CCDC150: variants seen among roughly 807,000 people sequenced by gnomAD.
The protein encoded by CCDC150 is coiled-coil domain containing 150, also known as coiled-coil domain-containing protein 150.
Under a neutral mutation model 156.5 loss-of-function variants are expected in CCDC150, and 151 were observed. That is an observed-to-expected ratio of 0.97 (90% CI 0.85 to 1.10). The LOEUF is 1.10. CCDC150 is among the 50% of genes least tolerant of loss of function. The pLI, the probability that CCDC150 is intolerant of heterozygous loss-of-function variation, is 0.00. For missense variants in CCDC150, 1,312 were observed against 1,268.1 expected, an observed-to-expected ratio of 1.03 and a Z score of -0.53; for synonymous variants, 452 against 429.4, an observed-to-expected ratio of 1.05 and a Z score of -0.65.
intron 13 of CCDC150, among the ~76,000 whole-genome samples, chr2:196,682,293 C>T (rs949006298): frequency 1.3e-5 from 2 of 151,978 alleles, no homozygotes; most frequent in Non-Finnish European, 2.9e-5. Flanking sequence ...TTTCTAGACT[C>T]TTAATTATCT....
rs753635576 is a variant in CCDC150, at chr2:196,726,112, GA to G, written c.2556+17del. ...GGAAGTGGCTGAGGTATAGTCATGAGAAAAGTTTCTCTTTTGGTGAATGCCT... is the reference window on the plus strand; with the variant it reads ...GGAAGTGGCTGAGGTATAGTCATGAGAAAGTTTCTCTTTTGGTGAATGCCT... On this transcript the variant is annotated intron_variant, in intron 22 of 27. Coordinates refer to ENST00000389175, the MANE Select transcript of CCDC150 (RefSeq NM_001080539.2). The G allele has an allele frequency of 6.2e-6, 10 of 1,611,836 alleles. No homozygotes were observed. The highest frequency in any genetic ancestry group is 8.5e-6 in the Non-Finnish European group (10 of 1,178,828).
chr2:196,650,644 G>A (rs978507129), intron 2 of CCDC150, among the ~76,000 whole-genome samples: 7 of 152,076 alleles, frequency 4.6e-5, no homozygotes, highest in Non-Finnish European at 7.4e-5. Context: ...TGCGTGCCTC[G>A]GCCTCCCAAA....
chr2:196,714,572 C>T (rs897269665), intron 17 of CCDC150, among the ~76,000 whole-genome samples: 3 of 152,138 alleles, frequency 2.0e-5, no homozygotes, highest in Non-Finnish European at 4.4e-5. Context: ...CTTAGCTTCC[C>T]GGTCGCAAGA....
chr2:196,651,064 A>G (rs7585136), intron 2 of CCDC150, among the ~76,000 whole-genome samples: 119,190 of 152,174 alleles, frequency 0.78, 46,890 homozygotes, highest in East Asian at 0.97. Flanking sequence ...AGGTTATCCA[A>G]TGTGTTCTCA....
chr2:196,723,797 C>T (rs1284838983), intron 21 of CCDC150, among the ~76,000 whole-genome samples: 1 of 152,122 alleles, frequency 6.6e-6, no homozygotes, highest in Non-Finnish European at 1.5e-5. Flanking sequence ...TCCAGATGGC[C>T]AGTTTCTGTA....
chr2:196,692,693 T>A (rs568846764), intron 13 of CCDC150, among the ~76,000 whole-genome samples: 2 of 152,348 alleles, frequency 1.3e-5, no homozygotes, highest in African/African-American at 4.8e-5. Flanking sequence ...CAAGAGACTG[T>A]TATAATTTCC....
At chr2:196,718,096 G>A (rs1436720757) in intron 17 of CCDC150, among the ~76,000 whole-genome samples, 1 of 152,158 alleles carries the variant, frequency 6.6e-6, no homozygotes, top group Non-Finnish European at 1.5e-5. Flanking sequence ...TCATTCTGCT[G>A]TAACACTGTT....
intron 13 of CCDC150, among the ~76,000 whole-genome samples, chr2:196,677,887 G>A (rs1694607029): frequency 6.6e-6 from 1 of 152,102 alleles, no homozygotes; most frequent in Non-Finnish European, 1.5e-5. Flanking sequence ...CTACTCGGGA[G>A]GCTGAGGCAG....
At chr2:196,710,431 A>T (rs926282401) in intron 15 of CCDC150, among the ~76,000 whole-genome samples, 1 of 152,138 alleles carries the variant, frequency 6.6e-6, no homozygotes, top group Admixed American at 6.5e-5. Flanking sequence ...TAGGAAAGGG[A>T]AATCCCCTGA....
chr2:196,658,719 A>G, intron 4 of CCDC150, 73 bp from the exon 5 acceptor site: 1 of 1,087,320 alleles, frequency 9.2e-7, no homozygotes, highest in Non-Finnish European at 1.3e-6. Context: ...ACCTGATTTG[A>G]TCTGATATAC....
intron 2 of CCDC150, among the ~76,000 whole-genome samples, chr2:196,653,266 T>C (rs1352323265): frequency 2.0e-5 from 3 of 152,224 alleles, no homozygotes; most frequent in Non-Finnish European, 4.4e-5. Flanking sequence ...TTTCCAAATT[T>C]TTATACTGTA....
chr2:196,725,937 C>G, intron 21 of CCDC150, 36 bp from the exon 22 acceptor site: 1 of 1,553,786 alleles, frequency 6.4e-7, no homozygotes, highest in Non-Finnish European at 8.7e-7. Flanking sequence ...AAAATGATTT[C>G]TAAAGGTGAC....
At chr2:196,689,066 G>A (rs1235498109) in intron 13 of CCDC150, among the ~76,000 whole-genome samples, 11 of 152,100 alleles carry the variant, frequency 7.2e-5, no homozygotes, top group Admixed American at 2.6e-4. Flanking sequence ...GATATGCGGC[G>A]TTATTTCTGA....
intron 5 of CCDC150, among the ~76,000 whole-genome samples, chr2:196,659,917 A>G (rs1236292209): frequency 6.6e-6 from 1 of 152,198 alleles, no homozygotes; most frequent in Non-Finnish European, 1.5e-5. Flanking sequence ...TGTATTTATC[A>G]TTACAGGATC....
chr2:196,681,800 T>A (rs970289450), intron 13 of CCDC150, among the ~76,000 whole-genome samples: 5 of 152,188 alleles, frequency 3.3e-5, no homozygotes, highest in Admixed American at 6.5e-5. Context: ...TTTGTCTATT[T>A]TTAAAAGGGA....
chr2:196,683,290 C>A (rs1694948015), intron 13 of CCDC150, among the ~76,000 whole-genome samples: 1 of 151,778 alleles, frequency 6.6e-6, no homozygotes, highest in Non-Finnish European at 1.5e-5. Context: ...GGGTTTTGTT[C>A]TTTGTTCTAT....
intron 2 of CCDC150, among the ~76,000 whole-genome samples, chr2:196,649,141 A>G (rs866984928): frequency 6.6e-6 from 1 of 152,112 alleles, no homozygotes; most frequent in African/African-American, 2.4e-5. Context: ...GTTCCATATG[A>G]ATTTTCAGGT....
chr2:196,666,978 T>C (rs762752040), intron 7 of CCDC150, 130 bp downstream of exon 7: 1 of 938,356 alleles, frequency 1.1e-6, no homozygotes, highest in Non-Finnish European at 1.7e-6. Flanking sequence ...ATGTAAAACA[T>C]TGCAGATTTC....
chr2:196,693,492 T>C (rs926932770), intron 13 of CCDC150, among the ~76,000 whole-genome samples: 1 of 152,230 alleles, frequency 6.6e-6, no homozygotes, highest in East Asian at 1.9e-4. Flanking sequence ...ACAATAGATT[T>C]GCCCTTATAT....
Sources: gnomAD v4.1 joint callset for allele counts (sites outside exome capture counted in the v4.1 genomes callset) on GRCh38, gnomAD v4.1.1 for gene constraint, MANE v1.5 for transcripts, NCBI Gene and HGNC (gene_info 2026-07-23, HGNC 2026-07-21) for gene names.